The following PAK3 variants were observed in gnomAD, a reference collection of about 807,000 sequenced individuals.
PAK3 encodes the protein p21 (RAC1) activated kinase 3.
Under a neutral mutation model 41.0 loss-of-function variants are expected in PAK3, and 4 were observed. That is an observed-to-expected ratio of 0.10 (90% CI 0.05 to 0.22). The LOEUF is 0.22. Among genes scored for constraint, PAK3 ranks in the 10% least tolerant of loss-of-function variants. The pLI is 1.00. For synonymous variants in PAK3, 146 were observed against 139.6 expected, an observed-to-expected ratio of 1.05 and a Z score of -0.32; for missense variants, 205 against 409.9, an observed-to-expected ratio of 0.50 and a Z score of 4.32.
intron 4 of PAK3, among the ~76,000 whole-genome samples, chrX:111,115,851 C>T (rs1435751598): frequency 9.0e-6 from 1 of 110,951 alleles, no homozygotes; most frequent in African/African-American, 3.3e-5. Context: ...GACACCTTCC[C>T]TGTAGAAAGC....
chrX:111,156,901 G>A (rs920798537), intron 8 of PAK3, among the ~76,000 whole-genome samples: 3 of 111,696 alleles, frequency 2.7e-5, no homozygotes, highest in African/African-American at 9.8e-5. Flanking sequence ...TTATCGTACT[G>A]TTGAAAATAA....
intron 1 of PAK3, among the ~76,000 whole-genome samples, chrX:111,088,876 T>C (rs369533692): frequency 7.7e-4 from 86 of 112,008 alleles, no homozygotes; most frequent in African/African-American, 2.7e-3. Context: ...TATCTGTCCA[T>C]TCTCCCAGCC....
At chrX:111,096,649 G>A (rs1231459499) in intron 1 of PAK3, 3 of 110,859 alleles carry the variant, frequency 2.7e-5, no homozygotes, top group Non-Finnish European at 5.7e-5. Context: ...CCAGAGGGCC[G>A]GGGCTCCTTC....
intron 1 of PAK3, among the ~76,000 whole-genome samples, chrX:111,001,003 A>G (rs886217170): frequency 1.8e-5 from 2 of 111,753 alleles, no homozygotes; most frequent in African/African-American, 6.5e-5. Flanking sequence ...ACATTTGAAC[A>G]AAGCCTTTAA....
intron 1 of PAK3, among the ~76,000 whole-genome samples, chrX:111,000,332 C>A (rs1203395863): frequency 2.7e-5 from 3 of 112,112 alleles, no homozygotes; most frequent in Non-Finnish European, 5.6e-5. Flanking sequence ...TCCCACCCTC[C>A]ACAACATCAC....
At chrX:111,207,106 A>G (rs868667017) in intron 16 of PAK3, among the ~76,000 whole-genome samples, 12 of 101,455 alleles carry the variant, frequency 1.2e-4, no homozygotes, top group African/African-American at 5.1e-4. Context: ...GTGTATATAT[A>G]TATACATATA....
intron 1 of PAK3, among the ~76,000 whole-genome samples, chrX:110,961,761 G>C (rs989577532): frequency 1.3e-4 from 14 of 111,614 alleles, no homozygotes; most frequent in African/African-American, 4.6e-4. Context: ...CACTTTTTTA[G>C]TCCCCTGGAA....
chrX:111,097,357 G>GTT (rs56386458), intron 1 of PAK3, 33 bp from the exon 2 acceptor site: 7 of 85,097 alleles, frequency 8.2e-5, no homozygotes, highest in Admixed American at 1.3e-4. Context: ...GGCCCCACTT[G>GTT]TTTTTTTTTT....
intron 1 of PAK3, among the ~76,000 whole-genome samples, chrX:111,019,732 G>T: frequency 1.1e-5 from 1 of 92,727 alleles, no homozygotes; most frequent in African/African-American, 4.0e-5. Flanking sequence ...AGGGGGGGGG[G>T]CAAATGATTT....
At chrX:110,988,254 T>C (rs754704756) in intron 1 of PAK3, among the ~76,000 whole-genome samples, 71 of 111,931 alleles carry the variant, frequency 6.3e-4, no homozygotes, top group African/African-American at 1.6e-3. Context: ...TTGGAAACCA[T>C]TGGTGTAGAG....
At chrX:110,957,492 A>G (rs2090886247) in intron 1 of PAK3, among the ~76,000 whole-genome samples, 1 of 112,303 alleles carries the variant, frequency 8.9e-6, no homozygotes, top group Admixed American at 9.4e-5. Context: ...TGAAATATTC[A>G]GAAGGGTTGC....
rs1210715304 is a variant in PAK3, at chrX:111,225,807, T to C, written c.*5360T>C. 1.8e-5 allele frequency: 2 copies of C among 111,989 alleles called. No homozygotes were observed. Among genetic ancestry groups the C allele is most frequent in the Admixed American group, 9.5e-5 (1 of 10,561 alleles). 9.2% of individuals were successfully genotyped at this position (111,989 alleles called of 1,213,427 possible). On this transcript the variant is annotated 3_prime_UTR_variant, in exon 18 of 18. Transcript: ENST00000372007. ...TTGCAAATTCAGCCTGCTATAGTGA[T>C]GGCAAATATCACGTTTAAGCCTGAG...
At chrX:111,123,715 A>G (rs1286976195) in intron 5 of PAK3, among the ~76,000 whole-genome samples, 2 of 111,998 alleles carry the variant, frequency 1.8e-5, no homozygotes, top group African/African-American at 6.5e-5. Context: ...GAATCAGTCC[A>G]CGTTGCCACA....
chrX:110,986,279 A>G, intron 1 of PAK3, among the ~76,000 whole-genome samples: 1 of 111,907 alleles, frequency 8.9e-6, no homozygotes, highest in Non-Finnish European at 1.9e-5. Flanking sequence ...GAAGCTCTAC[A>G]GGGCTGAAAC....
Position 111,074,636 on chromosome X carries a change from A to G in PAK3, c.-27-48441A>G, listed in dbSNP as rs150136588. On this transcript the variant is annotated intron_variant, in intron 1 of 14. Transcript: ENST00000425146. ...CTAATACAGAAATTTGATACCAAGG[A>G]GTTGCTGTAAAGATACCTGAAAATG... Among the ~76,000 whole-genome samples the G allele has an allele frequency of 4.2e-4, 47 of 112,233 alleles. No homozygotes were observed. The East Asian group carries it at 0.013, about 31-fold the overall frequency.
At chrX:111,020,502 G>A (rs1031248838) in intron 1 of PAK3, among the ~76,000 whole-genome samples, 1 of 111,328 alleles carries the variant, frequency 9.0e-6, no homozygotes, top group Non-Finnish European at 1.9e-5. Context: ...TGTGAATGTA[G>A]GCCTGAGGGA....
chrX:110,945,580 C>T (rs1478870019), intron 1 of PAK3, among the ~76,000 whole-genome samples: 1 of 112,001 alleles, frequency 8.9e-6, no homozygotes, highest in Non-Finnish European at 1.9e-5. Flanking sequence ...GCAGTGCCTT[C>T]CCACACCCAT....
intron 8 of PAK3, among the ~76,000 whole-genome samples, chrX:111,161,819 G>A (rs2094193775): frequency 9.0e-6 from 1 of 111,055 alleles, no homozygotes; most frequent in African/African-American, 3.3e-5. Context: ...TGTTCCATTG[G>A]TCTGTATCTC....
intron 6 of PAK3, among the ~76,000 whole-genome samples, chrX:111,143,295 G>A (rs2093898721): frequency 9.0e-6 from 1 of 111,451 alleles, no homozygotes; most frequent in Non-Finnish European, 1.9e-5. Flanking sequence ...ATTAATCTAT[G>A]TGGAGAAGCA....
Sources: allele counts gnomAD v4.1 joint callset (sites outside exome capture counted in the v4.1 genomes callset), GRCh38; gene constraint gnomAD v4.1.1; transcripts MANE v1.5; gene names NCBI Gene and HGNC (gene_info 2026-07-23, HGNC 2026-07-21).